The following ACBD3 variants were observed in gnomAD, a reference collection of about 807,000 sequenced individuals.
ACBD3 encodes acyl-CoA binding domain containing 3.
Under a neutral mutation model 66.9 loss-of-function variants are expected in ACBD3, and 30 were observed. That is an observed-to-expected ratio of 0.45 (90% CI 0.34 to 0.61). ACBD3 has a LOEUF of 0.61. Ranked by LOEUF, ACBD3 falls within the 20% of genes least tolerant of loss-of-function variation. The pLI is 0.02. For missense variants in ACBD3, 544 were observed against 664.5 expected (o/e 0.82, Z 1.99); for synonymous variants, 278 against 259.8 (o/e 1.07, Z -0.68).
chr1:226,180,354 C>A (rs1158240941), intron 1 of ACBD3, among the ~76,000 whole-genome samples: 1 of 152,026 alleles, frequency 6.6e-6, no homozygotes, highest in African/African-American at 2.4e-5. Flanking sequence ...ACATAAGCAG[C>A]CACAAAAATA....
chr1:226,152,059 C>T (rs550177552), intron 7 of ACBD3, among the ~76,000 whole-genome samples: 1 of 152,086 alleles, frequency 6.6e-6, no homozygotes, highest in South Asian at 2.1e-4. Flanking sequence ...CTTTTCAACA[C>T]ACACGGTTAG....
intron 1 of ACBD3, among the ~76,000 whole-genome samples, chr1:226,169,147 G>T (rs906534126): frequency 2.0e-5 from 3 of 152,190 alleles, no homozygotes; most frequent in Non-Finnish European, 4.4e-5. Flanking sequence ...ACAGGCGTGA[G>T]CCACTGTGCC....
At chr1:226,164,695 C>T in intron 3 of ACBD3, 94 bp downstream of exon 3, 2 of 1,334,894 alleles carry the variant, frequency 1.5e-6, no homozygotes, top group South Asian at 2.1e-5. Context: ...AAGCAAGACA[C>T]CTGATCTAGA....
At chr1:226,167,786 G>A (rs1452784929) in intron 1 of ACBD3, among the ~76,000 whole-genome samples, 2 of 151,948 alleles carry the variant, frequency 1.3e-5, no homozygotes, top group Non-Finnish European at 2.9e-5. Context: ...GAAACTCAGA[G>A]AAGAAAAAAT....
intron 1 of ACBD3, among the ~76,000 whole-genome samples, chr1:226,176,999 A>T (rs539747635): frequency 2.0e-5 from 3 of 152,224 alleles, no homozygotes; most frequent in Non-Finnish European, 2.9e-5. Context: ...TTAATCACAT[A>T]CAATCAAACA....
chr1:226,159,364 A>C lies in ACBD3; in HGVS notation c.729-6T>G. 6.2e-7 allele frequency: 1 copy of C among 1,613,936 alleles called. No individual in the cohort carries two copies. The highest frequency in any genetic ancestry group is 8.5e-7 in the Non-Finnish European group (1 of 1,179,846). On this transcript the variant is annotated splice_region_variant and splice_polypyrimidine_tract_variant and intron_variant, in intron 4 of 7. Coordinates refer to ENST00000366812, the MANE Select transcript of ACBD3 (RefSeq NM_022735.4). ...AAGCTGCCATTATCTGCTGCCTAAA[A>C]ACATTAAAAATATATATACTAGTCT...
chr1:226,146,479 G>A lies in ACBD3; in HGVS notation c.*131C>T. The A allele has an allele frequency of 1.3e-6, 1 of 768,140 alleles. No homozygotes were observed. The highest frequency in any genetic ancestry group is 2.1e-6 in the Non-Finnish European group (1 of 485,622). The allele number at this position is 768,140 out of a possible 1,614,324, so 47.6% of individuals were successfully genotyped here. ...AAGGAAATTTTGATTCCCAGCAAGAGTTCACAAACCATCAGACCAATATCA... is the reference window on the plus strand; with the variant it reads ...AAGGAAATTTTGATTCCCAGCAAGAATTCACAAACCATCAGACCAATATCA... On this transcript the variant is annotated 3_prime_UTR_variant, in exon 8 of 8. Transcript: ENST00000366812.
At chr1:226,147,578 T>C (rs1283782624) in intron 7 of ACBD3, among the ~76,000 whole-genome samples, 2 of 152,192 alleles carry the variant, frequency 1.3e-5, no homozygotes, top group Non-Finnish European at 2.9e-5. Flanking sequence ...GGAAGATGAT[T>C]TGTGAGGACT....
chr1:226,146,853 T>A, intron 7 of ACBD3, 32 bp from the exon 8 acceptor site: 1 of 1,597,506 alleles, frequency 6.3e-7, no homozygotes, highest in Non-Finnish European at 8.6e-7. Flanking sequence ...AATGAACAGA[T>A]TCAGGAAAAC....
intron 7 of ACBD3, among the ~76,000 whole-genome samples, chr1:226,148,771 C>T (rs1659506052): frequency 6.6e-6 from 1 of 152,208 alleles, no homozygotes; most frequent in South Asian, 2.1e-4. Context: ...AACTCAGACT[C>T]TTCTACCATA....
chr1:226,170,220 T>C (rs1466984966), intron 1 of ACBD3, among the ~76,000 whole-genome samples: 27 of 147,956 alleles, frequency 1.8e-4, no homozygotes, highest in African/African-American at 4.7e-4. Context: ...TGCAGTGGCA[T>C]GATCTCGGTT....
rs376001082 is a variant in ACBD3, at chr1:226,177,361, C to CTT, written c.286+9027_286+9028dup. On this transcript the variant is annotated intron_variant, in intron 1 of 7. Transcript: ENST00000366812. ...TACAGGTGGCCACCACCACTCTTGGCTTTTTTTTTTTTTTTAAGTAGAGAC... is the reference window on the plus strand; with the variant it reads ...TACAGGTGGCCACCACCACTCTTGGCTTTTTTTTTTTTTTTTTAAGTAGAGAC... 3.4e-3 allele frequency among the ~76,000 whole-genome samples: 467 copies of CTT among 138,132 alleles called. 4 individuals carry two copies. Among genetic ancestry groups the CTT allele is most frequent in the East Asian group, 0.01 (49 of 4,758 alleles). The allele number at this position is 138,132 out of a possible 152,430, so 90.6% of individuals were successfully genotyped here.
chr1:226,154,225 G>GC (rs1659628312), intron 6 of ACBD3, among the ~76,000 whole-genome samples: 1 of 147,650 alleles, frequency 6.8e-6, no homozygotes, highest in African/African-American at 2.5e-5. Flanking sequence ...ATTTTTGTTT[G>GC]TTTTTTTTTT....
chr1:226,149,529 CTT>C (rs1170130229), intron 7 of ACBD3, among the ~76,000 whole-genome samples: 435 of 29,498 alleles, frequency 0.015, 2 homozygotes, highest in African/African-American at 0.063. Context: ...GCCCAGCCAT[CTT>C]TTTTTTTTTT....
chr1:226,165,104 C>A (rs555520406), intron 2 of ACBD3, among the ~76,000 whole-genome samples, 175 bp from the exon 3 acceptor site: 1 of 152,080 alleles, frequency 6.6e-6, no homozygotes, highest in African/African-American at 2.4e-5. Context: ...AAATTAGATA[C>A]GCCACATACA....
In ACBD3 at chr1:226,166,792, T is replaced by TA. The variant is rs548346718; in HGVS notation, c.287-793dup. On this transcript the variant is annotated intron_variant, in intron 1 of 7. Transcript: ENST00000366812. ...GTGGACCACCATGCCTACCCTGAAT[T>TA]AGGTTGTAAAAATAAGCCAACTATC... 2.5e-3 allele frequency among the ~76,000 whole-genome samples: 372 copies of TA among 151,602 alleles called. 4 individuals are homozygous for TA. The highest frequency in any genetic ancestry group is 8.3e-3 in the African/African-American group (343 of 41,278).
intron 5 of ACBD3, among the ~76,000 whole-genome samples, chr1:226,155,361 G>A (rs978945686): frequency 6.7e-6 from 1 of 149,360 alleles, no homozygotes; most frequent in African/African-American, 2.5e-5. Flanking sequence ...AGGTTGCAGT[G>A]ACCTGAGATC....
chr1:226,178,759 G>C (rs1656109119), intron 1 of ACBD3, among the ~76,000 whole-genome samples: 1 of 152,092 alleles, frequency 6.6e-6, no homozygotes, highest in African/African-American at 2.4e-5. Context: ...GTTAAAGATA[G>C]GTGATTGAAT....
At chr1:226,185,076 C>T (rs1451232703) in intron 1 of ACBD3, among the ~76,000 whole-genome samples, 1 of 151,752 alleles carries the variant, frequency 6.6e-6, no homozygotes, top group Admixed American at 6.6e-5. Flanking sequence ...ATGAATTGTA[C>T]AGAAACCACC....
Sources: gnomAD v4.1 joint callset for allele counts (sites outside exome capture counted in the v4.1 genomes callset) on GRCh38, gnomAD v4.1.1 for gene constraint, MANE v1.5 for transcripts, NCBI Gene and HGNC (gene_info 2026-07-23, HGNC 2026-07-21) for gene names.